Variants in NXPE4 observed in about 807,000 individuals in gnomAD.
The protein encoded by NXPE4 is NXPE family member 4.
NXPE4 carries 42 observed loss-of-function variants against 33.3 expected under a neutral mutation model. The ratio of observed to expected loss-of-function variants is 1.26; its 90% CI spans 0.98 to 1.63. NXPE4 has a LOEUF of 1.63. Among genes scored for constraint, NXPE4 ranks in the 40% most tolerant of loss-of-function variants. The probability of loss-of-function intolerance (pLI) is 0.00; values close to 1 mark genes in which losing one functional copy is unlikely to be tolerated. For missense variants in NXPE4, 709 were observed against 647.6 expected, an observed-to-expected ratio of 1.09 and a Z score of -1.03; for synonymous variants, 253 against 234.9, an observed-to-expected ratio of 1.08 and a Z score of -0.71.
chr11:114,612,637 C>T, the NXPE4 span, among the ~76,000 whole-genome samples: 14 of 151,960 alleles, frequency 9.2e-5, no homozygotes, highest in Middle Eastern at 3.4e-3. Flanking sequence ...TAAGTATTGC[C>T]TCGTGGGTAA....
At chr11:114,654,743 C>T in the NXPE4 span, among the ~76,000 whole-genome samples, 13 of 152,220 alleles carry the variant, frequency 8.5e-5, no homozygotes, top group Admixed American at 3.9e-4. Context: ...GACTTGGTTC[C>T]GTGTCATTGC....
chr11:114,615,220 A>T, the NXPE4 span, among the ~76,000 whole-genome samples: 2 of 151,806 alleles, frequency 1.3e-5, no homozygotes, highest in African/African-American at 4.8e-5. Context: ...GATACTAAGT[A>T]TCGCCTCTTG....
intron 2 of NXPE4, chr11:114,583,536 A>G (rs1257742080): frequency 1.6e-6 from 1 of 607,136 alleles, no homozygotes; most frequent in Non-Finnish European, 3.2e-6. Flanking sequence ...CAGAGATTCA[A>G]CGTTAGTGAG....
At chr11:114,621,856 G>T in the NXPE4 span, among the ~76,000 whole-genome samples, 1 of 151,928 alleles carries the variant, frequency 6.6e-6, no homozygotes, top group African/African-American at 2.4e-5. Context: ...TTGCCTCATG[G>T]GTAAACACTG....
the NXPE4 span, among the ~76,000 whole-genome samples, chr11:114,606,101 C>T: frequency 6.6e-6 from 1 of 151,668 alleles, no homozygotes; most frequent in African/African-American, 2.4e-5. Context: ...TCATGGGTAG[C>T]CACTGTTATC....
intron 5 of NXPE4, among the ~76,000 whole-genome samples, chr11:114,579,926 A>G (rs576013945): frequency 2.6e-5 from 4 of 152,296 alleles, no homozygotes; most frequent in South Asian, 4.1e-4. Flanking sequence ...GGGATGTAAT[A>G]AACCTTTTTC....
chr11:114,640,640 A>T, the NXPE4 span, among the ~76,000 whole-genome samples: 71 of 152,026 alleles, frequency 4.7e-4, 2 homozygotes, highest in South Asian at 0.015. Context: ...CTTTTTAATA[A>T]TGGCCATTCT....
At chr11:114,617,392 A>G in the NXPE4 span, among the ~76,000 whole-genome samples, 5 of 152,212 alleles carry the variant, frequency 3.3e-5, no homozygotes, top group African/African-American at 1.2e-4. Flanking sequence ...GGTAGATAAT[A>G]AGTATTGCCT....
the NXPE4 span, among the ~76,000 whole-genome samples, chr11:114,608,246 T>G: frequency 6.6e-6 from 1 of 150,798 alleles, no homozygotes; most frequent in Non-Finnish European, 1.5e-5. Context: ...TGTTGCCCTG[T>G]GTATAAAAGT....
chr11:114,606,958 TAA>T, the NXPE4 span, among the ~76,000 whole-genome samples: 1 of 151,980 alleles, frequency 6.6e-6, no homozygotes, highest in Non-Finnish European at 1.5e-5. Flanking sequence ...CTGTGGATAA[TAA>T]GTGTTGCCTT....
intron 5 of NXPE4, among the ~76,000 whole-genome samples, chr11:114,575,603 TA>T (rs1322087488): frequency 6.7e-6 from 1 of 150,258 alleles, no homozygotes; most frequent in East Asian, 1.9e-4. Flanking sequence ...AGCTGTAAAA[TA>T]AAATAAAATA....
At chr11:114,625,546 C>T in the NXPE4 span, among the ~76,000 whole-genome samples, 1 of 152,312 alleles carries the variant, frequency 6.6e-6, no homozygotes, top group East Asian at 1.9e-4. Context: ...TGAGTAACCA[C>T]TGTTACCCGG....
the NXPE4 span, among the ~76,000 whole-genome samples, chr11:114,614,254 A>T: frequency 9.9e-5 from 15 of 151,912 alleles, no homozygotes; most frequent in Non-Finnish European, 1.9e-4. Flanking sequence ...TACCCTGTGG[A>T]TAGTAAGTAT....
the NXPE4 span, among the ~76,000 whole-genome samples, chr11:114,642,952 C>T: frequency 1.3e-5 from 2 of 152,104 alleles, no homozygotes; most frequent in African/African-American, 4.8e-5. Context: ...TAATGATCGC[C>T]ATTCTAACTG....
chr11:114,633,482 C>A, the NXPE4 span, among the ~76,000 whole-genome samples: 196 of 148,934 alleles, frequency 1.3e-3, 1 homozygote, highest in African/African-American at 4.6e-3. Flanking sequence ...TATTATTATA[C>A]TTCAAGTTTT....
intron 4 of NXPE4, among the ~76,000 whole-genome samples, chr11:114,581,044 T>C (rs549125687): frequency 4.6e-5 from 7 of 152,340 alleles, no homozygotes; most frequent in Admixed American, 4.6e-4. Flanking sequence ...ATAACATTTC[T>C]ACATCTAGGT....
At chr11:114,628,364 T>A in the NXPE4 span, among the ~76,000 whole-genome samples, 2 of 152,176 alleles carry the variant, frequency 1.3e-5, no homozygotes, top group Non-Finnish European at 2.9e-5. Context: ...GGATTAAGAA[T>A]CTCACTCAAA....
the NXPE4 span, among the ~76,000 whole-genome samples, chr11:114,648,595 A>T: frequency 6.6e-6 from 1 of 152,224 alleles, no homozygotes; most frequent in African/African-American, 2.4e-5. Context: ...GACCCAGTCA[A>T]GTTGATACAT....
the NXPE4 span, among the ~76,000 whole-genome samples, chr11:114,603,140 T>A: frequency 6.6e-6 from 1 of 151,954 alleles, no homozygotes; most frequent in Admixed American, 6.6e-5. Flanking sequence ...GGATAATAAT[T>A]ATTGCCTTGT....
Sources: gnomAD v4.1 joint callset for allele counts (sites outside exome capture counted in the v4.1 genomes callset) on GRCh38, gnomAD v4.1.1 for gene constraint, MANE v1.5 for transcripts, NCBI Gene and HGNC (gene_info 2026-07-23, HGNC 2026-07-21) for gene names.